BICD1: variants seen among roughly 807,000 people sequenced by gnomAD.
The protein encoded by BICD1 is BICD cargo adaptor 1, also known as protein bicaudal D homolog 1.
In BICD1, 35 loss-of-function variants were observed where a neutral mutation model predicts 92.5. That is an observed-to-expected ratio of 0.38 (90% CI 0.29 to 0.50). The LOEUF (loss-of-function observed/expected upper bound fraction) is 0.50. Among genes scored for constraint, BICD1 ranks in the 20% least tolerant of loss-of-function variants. BICD1 has a pLI of 0.93. For missense variants in BICD1, 950 were observed against 1,189.8 expected (o/e 0.80, Z 2.97); for synonymous variants, 429 against 465.1 (o/e 0.92, Z 1.00).
chr12:32,192,041 GAAAGC>G (rs1944583724), intron 1 of BICD1, among the ~76,000 whole-genome samples: 1 of 152,138 alleles, frequency 6.6e-6, no homozygotes, highest in Admixed American at 6.5e-5. Flanking sequence ...AAGGCATATT[GAAAGC>G]CCAGATAGGC....
In BICD1 at chr12:32,234,959, A is replaced by G. The variant is rs557230625; in HGVS notation, c.426+18500A>G. Among the ~76,000 whole-genome samples, 22 of 152,306 alleles carry G rather than the reference A, an allele frequency of 1.4e-4. 1 individual carries two copies. The highest frequency in any genetic ancestry group is 6.2e-4 in the South Asian group (3 of 4,832). ...CTCAGCCTCCCAAAGTGCTGGGATT[A>G]CAGGTGTGAGCCACTGTTGCCAGCC... On this transcript the variant is annotated intron_variant, in intron 2 of 9. Transcript: ENST00000652176.
At chr12:32,203,900 A>C (rs1944977314) in intron 1 of BICD1, among the ~76,000 whole-genome samples, 1 of 152,194 alleles carries the variant, frequency 6.6e-6, no homozygotes, top group Admixed American at 6.5e-5. Context: ...AGAATGTGGG[A>C]CTTCTCTTCA....
chr12:32,267,030 T>A (rs1446935515), intron 2 of BICD1, among the ~76,000 whole-genome samples: 2 of 152,202 alleles, frequency 1.3e-5, no homozygotes, highest in African/African-American at 2.4e-5. Flanking sequence ...CATGGTTCCA[T>A]GGTGCCAGCA....
chr12:32,273,670 T>C (rs1947201134), intron 2 of BICD1, among the ~76,000 whole-genome samples: 1 of 152,208 alleles, frequency 6.6e-6, no homozygotes, highest in African/African-American at 2.4e-5. Context: ...AATAACATAG[T>C]AGAAATCACT....
rs58895470 is a variant in BICD1, at chr12:32,225,621, G to GTTTTT, written c.426+9178_426+9182dup. Among the ~76,000 whole-genome samples, 176 of 92,774 alleles carry GTTTTT rather than the reference G, an allele frequency of 1.9e-3. 11 individuals carry two copies. Among genetic ancestry groups the GTTTTT allele is most frequent in the Middle Eastern group, 6.0e-3 (1 of 166 alleles). The allele number at this position is 92,774 out of a possible 152,430, so 60.9% of individuals were successfully genotyped here. On this transcript the variant is annotated intron_variant, in intron 2 of 9. Coordinates refer to ENST00000652176, the MANE Select transcript of BICD1 (RefSeq NM_001714.4). ...TGGTATTTGACAGTTCTTTTTTTCT[G>GTTTTT]TTTTTTTTTTTTTTTTTTTTAGACG... is the stretch of plus-strand genomic sequence containing the variant.
chr12:32,195,698 A>C (rs1944706811), intron 1 of BICD1, among the ~76,000 whole-genome samples: 1 of 152,226 alleles, frequency 6.6e-6, no homozygotes, highest in Non-Finnish European at 1.5e-5. Context: ...ATCAGCAAAA[A>C]GCTCAACCTT....
At chr12:32,262,689 T>A (rs979422196) in intron 2 of BICD1, among the ~76,000 whole-genome samples, 2 of 152,134 alleles carry the variant, frequency 1.3e-5, no homozygotes, top group Non-Finnish European at 2.9e-5. Context: ...AAGGTGGCCA[T>A]GTGAAGACAG....
At chr12:32,132,431 AAGATCTT>A (rs2121307934) in intron 1 of BICD1, among the ~76,000 whole-genome samples, 1 of 151,648 alleles carries the variant, frequency 6.6e-6, no homozygotes, top group East Asian at 1.9e-4. Context: ...AAAAAAAAAA[AAGATCTT>A]GAGATGAGAA....
chr12:32,183,267 T>G (rs1944332429), intron 1 of BICD1, among the ~76,000 whole-genome samples: 1 of 149,640 alleles, frequency 6.7e-6, no homozygotes. Context: ...ATAATTACTT[T>G]TTTTTTTTTT....
chr12:32,380,862 A>G lies in BICD1; in HGVS notation c.*3235A>G, dbSNP rs192567857. The G allele has an allele frequency of 6.6e-5, 10 of 152,320 alleles. No individual in the cohort carries two copies. The highest frequency in any genetic ancestry group is 3.4e-3 in the Middle Eastern group (1 of 292). 9.4% of individuals were successfully genotyped at this position (152,320 alleles called of 1,614,324 possible). ...AACAAATGATAGATATCAGCTATAG[A>G]TATTGTTACTAAGTCTAGAATAAAA... On this transcript the variant is annotated 3_prime_UTR_variant, in exon 10 of 10. Coordinates refer to ENST00000652176, the MANE Select transcript of BICD1 (RefSeq NM_001714.4).
Position 32,367,678 on chromosome 12 carries a change from C to T in BICD1, c.2773C>T (p.Gln925Ter), listed in dbSNP as rs200887827. Residue 925 changes from glutamine (Q) to a stop codon, truncating the protein, a stop_gained, in exon 9 of 10, where the codon CAG becomes TAG. Transcript: ENST00000652176. LOFTEE classifies it high-confidence loss of function. ...RLTVAPPDCQQPAASVPPQCS... is the reference protein window; with the variant it reads ...RLTVAPPDCQ ...TTATCAGTTTCTTGTAGATTGTCAG[C>T]AGCCTGCTGCCTCCGTACCGCCACA... 6.2e-7 allele frequency: 1 copy of T among 1,613,958 alleles called. No homozygotes were observed. Among genetic ancestry groups the T allele is most frequent in the Non-Finnish European group, 8.5e-7 (1 of 1,179,994 alleles).
At chr12:32,345,147 A>C (rs1938518549) in intron 8 of BICD1, among the ~76,000 whole-genome samples, 5 of 151,788 alleles carry the variant, frequency 3.3e-5, no homozygotes, top group Admixed American at 3.3e-4. Context: ...AATTAGCTGG[A>C]TGTGCTGGCA....
chr12:32,266,840 A>G (rs578044532), intron 2 of BICD1, among the ~76,000 whole-genome samples: 16 of 147,612 alleles, frequency 1.1e-4, no homozygotes, highest in African/African-American at 3.3e-4. Context: ...CCTGGGCAAT[A>G]GAATGAGACT....
chr12:32,154,486 T>TAGC (rs1943381436), intron 1 of BICD1, among the ~76,000 whole-genome samples: 1 of 152,214 alleles, frequency 6.6e-6, no homozygotes, highest in African/African-American at 2.4e-5. Flanking sequence ...GTCTGGCATG[T>TAGC]AGCACTCACC....
chr12:32,285,965 AG>A (rs1947553410), intron 2 of BICD1, among the ~76,000 whole-genome samples: 1 of 152,246 alleles, frequency 6.6e-6, no homozygotes, highest in Non-Finnish European at 1.5e-5. Context: ...CAATTCAAAA[AG>A]CAAGGATTTT....
At chr12:32,278,750 G>A (rs1490761074) in intron 2 of BICD1, among the ~76,000 whole-genome samples, 1 of 152,208 alleles carries the variant, frequency 6.6e-6, no homozygotes, top group Admixed American at 6.5e-5. Flanking sequence ...CAGCTACTCA[G>A]GAGGCTGAGG....
chr12:32,296,151 T>C (rs1177294154), intron 3 of BICD1, among the ~76,000 whole-genome samples: 1 of 152,048 alleles, frequency 6.6e-6, no homozygotes, highest in Non-Finnish European at 1.5e-5. Flanking sequence ...AGGTCTTGAT[T>C]TGGCTGGGAT....
intron 1 of BICD1, among the ~76,000 whole-genome samples, chr12:32,115,987 C>A (rs1941876314): frequency 6.6e-6 from 1 of 152,032 alleles, no homozygotes; most frequent in Admixed American, 6.6e-5. Flanking sequence ...GGATCTTATA[C>A]AACATCTCAG....
intron 1 of BICD1, among the ~76,000 whole-genome samples, chr12:32,143,775 T>G (rs1943024665): frequency 6.6e-6 from 1 of 152,220 alleles, no homozygotes; most frequent in East Asian, 1.9e-4. Flanking sequence ...GTATGAGAAT[T>G]CTCTATTCTC....
Sources: allele counts gnomAD v4.1 joint callset (sites outside exome capture counted in the v4.1 genomes callset), GRCh38; gene constraint gnomAD v4.1.1; transcripts MANE v1.5; gene names NCBI Gene and HGNC (gene_info 2026-07-23, HGNC 2026-07-21).